Variants in PLCH1 observed in about 807,000 individuals in gnomAD.
PLCH1 encodes the protein 1-phosphatidylinositol 4,5-bisphosphate phosphodiesterase eta-1.
PLCH1 carries 60 observed loss-of-function variants against 126.7 expected under a neutral mutation model. The ratio of observed to expected loss-of-function variants is 0.47; its 90% CI spans 0.38 to 0.59. PLCH1 has a LOEUF of 0.59. Among genes scored for constraint, PLCH1 ranks in the 20% least tolerant of loss-of-function variants. The probability of loss-of-function intolerance (pLI) is 0.00; values close to 1 mark genes in which losing one functional copy is unlikely to be tolerated. For synonymous variants in PLCH1, 719 were observed against 734.9 expected, an observed-to-expected ratio of 0.98 and a Z score of 0.35; for missense variants, 1,723 against 2,040.0, an observed-to-expected ratio of 0.84 and a Z score of 2.99.
chr3:155,511,950 C>G (rs1719603233), intron 12 of PLCH1, among the ~76,000 whole-genome samples: 1 of 152,048 alleles, frequency 6.6e-6, no homozygotes, highest in Non-Finnish European at 1.5e-5. Context: ...CCTCCCCCAG[C>G]CTCATTGCCG....
intron 2 of PLCH1, among the ~76,000 whole-genome samples, chr3:155,699,396 G>A (rs1746095470): frequency 6.6e-6 from 1 of 152,126 alleles, no homozygotes; most frequent in African/African-American, 2.4e-5. Context: ...TAATCTTAAT[G>A]ATGTTCATGA....
intron 2 of PLCH1, among the ~76,000 whole-genome samples, chr3:155,679,560 A>C (rs957584299): frequency 6.6e-6 from 1 of 152,192 alleles, no homozygotes; most frequent in African/African-American, 2.4e-5. Flanking sequence ...AAAATGTTCT[A>C]TACAACCCTC....
intron 9 of PLCH1, among the ~76,000 whole-genome samples, chr3:155,552,617 C>T (rs999064802): frequency 6.6e-5 from 10 of 151,968 alleles, no homozygotes; most frequent in African/African-American, 2.4e-4. Context: ...AGCTGAAAGA[C>T]AGTCATTGAA....
intron 10 of PLCH1, among the ~76,000 whole-genome samples, chr3:155,526,959 G>A (rs1259773524): frequency 1.3e-5 from 2 of 152,240 alleles, no homozygotes; most frequent in African/African-American, 4.8e-5. Context: ...CCACGCAATG[G>A]ACATCAGGAA....
In PLCH1 at chr3:155,485,711, C is replaced by G. The variant is rs755420365; in HGVS notation, c.2620-1G>C. On this transcript the variant is annotated splice_acceptor_variant, in intron 21 of 22. Transcript: ENST00000460012. LOFTEE classifies it high-confidence loss of function. Reference sequence around the variant, plus strand: ...CCTTCAGACCCTGGAGTTGTCTGTTCTGAAGACACAAAAGAACCAACCACA... The same window carrying G: ...CCTTCAGACCCTGGAGTTGTCTGTTGTGAAGACACAAAAGAACCAACCACA... 1 of 1,573,046 alleles carries G rather than the reference C, an allele frequency of 6.4e-7. No homozygotes were observed. The highest frequency in any genetic ancestry group is 8.6e-7 in the Non-Finnish European group (1 of 1,159,936).
intron 1 of PLCH1, among the ~76,000 whole-genome samples, chr3:155,712,358 A>G (rs563655382): frequency 6.6e-6 from 1 of 152,356 alleles, no homozygotes; most frequent in Admixed American, 6.5e-5. Context: ...GGTGTATTTA[A>G]GCAAAGCAAA....
chr3:155,680,208 C>A (rs1191088681), intron 2 of PLCH1, among the ~76,000 whole-genome samples: 1 of 152,134 alleles, frequency 6.6e-6, no homozygotes, highest in Non-Finnish European at 1.5e-5. Context: ...CATGGTGAAA[C>A]CCCATCTCTA....
intron 21 of PLCH1, among the ~76,000 whole-genome samples, chr3:155,486,587 C>A (rs557323043): frequency 6.8e-6 from 1 of 146,528 alleles, no homozygotes; most frequent in African/African-American, 2.6e-5. Context: ...TGCAGTGGCG[C>A]AATCTCGGCT....
At chr3:155,712,803 T>G (rs941570567) in intron 1 of PLCH1, among the ~76,000 whole-genome samples, 10 of 151,350 alleles carry the variant, frequency 6.6e-5, no homozygotes, top group African/African-American at 2.4e-4. Context: ...TTTTTCTAAG[T>G]AGAGGAATTT....
chr3:155,503,377 A>G lies in PLCH1; in HGVS notation c.1704+1178T>C, dbSNP rs540818338. ...GCTCAACATCATGTTTATAAAGATC[A>G]TATTATTGCATATAGTTGTAATTTT... On this transcript the variant is annotated intron_variant, in intron 13 of 22. Coordinates refer to ENST00000460012, the MANE Select transcript of PLCH1 (RefSeq NM_014996.4). 2.0e-5 allele frequency among the ~76,000 whole-genome samples: 3 copies of G among 152,304 alleles called. No homozygotes were observed. The South Asian group carries it at 6.2e-4, about 32-fold the overall frequency.
intron 2 of PLCH1, among the ~76,000 whole-genome samples, chr3:155,682,771 T>C (rs1053909499): frequency 6.6e-6 from 1 of 152,220 alleles, no homozygotes; most frequent in Non-Finnish European, 1.5e-5. Flanking sequence ...CCAGCAAGAA[T>C]TGCTAGACAA....
intron 1 of PLCH1, among the ~76,000 whole-genome samples, chr3:155,718,791 A>G (rs567422160): frequency 1.3e-5 from 2 of 152,320 alleles, no homozygotes; most frequent in Non-Finnish European, 2.9e-5. Context: ...ACAATTCAAC[A>G]TTATATTTGG....
intron 21 of PLCH1, among the ~76,000 whole-genome samples, chr3:155,470,956 C>T (rs1713194524): frequency 6.6e-6 from 1 of 151,996 alleles, no homozygotes. Context: ...CAACCAGTAC[C>T]AGCTACTGCA....
chr3:155,458,498 GAGAAAGAAGAGAGAGAAA>G (rs1712570134), intron 21 of PLCH1, among the ~76,000 whole-genome samples: 1 of 69,770 alleles, frequency 1.4e-5, no homozygotes, highest in Non-Finnish European at 2.4e-5. Context: ...AAGAAAGAAA[GAGAAAGAAGAGAGAGAAA>G]TAAGAAAGAG....
chr3:155,672,949 C>G (rs1245270002), intron 2 of PLCH1, among the ~76,000 whole-genome samples: 5 of 151,986 alleles, frequency 3.3e-5, no homozygotes, highest in Non-Finnish European at 2.9e-5. Context: ...AGTGCTCCAG[C>G]CTCACCCGTT....
chr3:155,493,104 T>G (rs1225361077), intron 17 of PLCH1, among the ~76,000 whole-genome samples: 1 of 152,230 alleles, frequency 6.6e-6, no homozygotes, highest in Non-Finnish European at 1.5e-5. Flanking sequence ...AGCATTTTAT[T>G]TGAACACCAA....
In PLCH1 at chr3:155,720,543, C is replaced by T. The variant is rs189433933; in HGVS notation, c.-40-16279G>A. Among the ~76,000 whole-genome samples the T allele has an allele frequency of 3.3e-5, 5 of 152,188 alleles. No individual in the cohort carries two copies. In the East Asian group the frequency reaches 9.6e-4, roughly 29 times the overall value. On this transcript the variant is annotated intron_variant, in intron 1 of 22. Transcript: ENST00000460012. ...CTTTTGAGAATTGTCTATTCATGTC[C>T]TTAGCCCACTTTTTGATGGGATTAT...
intron 8 of PLCH1, among the ~76,000 whole-genome samples, chr3:155,554,430 A>G (rs1726542841): frequency 6.6e-6 from 1 of 152,176 alleles, no homozygotes; most frequent in South Asian, 2.1e-4. Flanking sequence ...GGTTAAAAAG[A>G]TGTCATATTC....
chr3:155,551,860 A>C (rs1726192533), intron 9 of PLCH1, among the ~76,000 whole-genome samples: 1 of 152,172 alleles, frequency 6.6e-6, no homozygotes, highest in African/African-American at 2.4e-5. Flanking sequence ...TTCTTCTAAG[A>C]GTTCCCAAAC....
Sources: allele counts gnomAD v4.1 joint callset (sites outside exome capture counted in the v4.1 genomes callset), GRCh38; gene constraint gnomAD v4.1.1; transcripts MANE v1.5; gene names NCBI Gene and HGNC (gene_info 2026-07-23, HGNC 2026-07-21).